Variants in PDE4D observed in about 807,000 individuals in gnomAD.
The protein encoded by PDE4D is phosphodiesterase 4D, also known as 3',5'-cyclic-AMP phosphodiesterase 4D.
A neutral mutation model predicts 87.4 loss-of-function variants in PDE4D; 24 were observed. The observed-to-expected ratio is 0.27, with a 90% CI of 0.20 to 0.39. The LOEUF is 0.39. Ranked by LOEUF, PDE4D falls within the 10% of genes least tolerant of loss-of-function variation. PDE4D has a pLI of 1.00. For synonymous variants in PDE4D, 384 were observed against 383.2 expected, an observed-to-expected ratio of 1.00 and a Z score of -0.02; for missense variants, 714 against 1,041.0, an observed-to-expected ratio of 0.69 and a Z score of 4.32.
At chr5:59,537,973 GA>G (rs1815570949) in intron 1 of PDE4D, among the ~76,000 whole-genome samples, 1 of 152,158 alleles carries the variant, frequency 6.6e-6, no homozygotes, top group Non-Finnish European at 1.5e-5. Flanking sequence ...GATTCCTAAT[GA>G]AAATGAGAAC....
chr5:59,450,080 C>A (rs543035978), intron 1 of PDE4D, among the ~76,000 whole-genome samples: 5 of 152,296 alleles, frequency 3.3e-5, no homozygotes, highest in African/African-American at 4.8e-5. Flanking sequence ...CAGAGCAATG[C>A]CATTTCTGCC....
intron 1 of PDE4D, among the ~76,000 whole-genome samples, chr5:59,568,397 A>T (rs531109159): frequency 5.9e-5 from 9 of 152,294 alleles, no homozygotes; most frequent in Admixed American, 5.2e-4. Flanking sequence ...AAGAATTGCA[A>T]ATATTTTATG....
intron 2 of PDE4D, among the ~76,000 whole-genome samples, chr5:60,176,607 G>A (rs1375831563): frequency 6.6e-6 from 1 of 152,112 alleles, no homozygotes; most frequent in East Asian, 1.9e-4. Context: ...TTAGAATGGG[G>A]GTACTCTTGG....
At chr5:60,011,656 G>A (rs1331697104) in intron 2 of PDE4D, among the ~76,000 whole-genome samples, 2 of 152,206 alleles carry the variant, frequency 1.3e-5, no homozygotes, top group South Asian at 4.2e-4. Context: ...CCACATGGCA[G>A]TTTAGTATTT....
rs190513554 is a variant in PDE4D at position 60,200,344 on chromosome 5, T to C, written c.-89-14657A>G. Among the ~76,000 whole-genome samples, 109 of 151,652 alleles carry C rather than the reference T, an allele frequency of 7.2e-4. 1 individual carries two copies. The highest frequency in any genetic ancestry group is 3.4e-3 in the Middle Eastern group (1 of 294). On this transcript the variant is annotated intron_variant, in intron 1 of 16. Coordinates refer to the PDE4D transcript ENST00000502484. The stretch of plus-strand genomic sequence containing the variant: ...CTGCACCCAGAAGTTATTTTATGTT[T>C]TAGGGAAGACATCAGAAGTCATTGA...
intron 1 of PDE4D, among the ~76,000 whole-genome samples, chr5:59,889,660 G>T (rs946561889): frequency 2.0e-5 from 3 of 152,064 alleles, no homozygotes; most frequent in African/African-American, 7.2e-5. Flanking sequence ...ATAATATTTT[G>T]TTGTGTAAAG....
chr5:59,618,888 C>T (rs191445924), intron 1 of PDE4D, among the ~76,000 whole-genome samples: 10 of 152,226 alleles, frequency 6.6e-5, no homozygotes, highest in African/African-American at 1.9e-4. Context: ...TCTCACTTTC[C>T]GCCATATGAT....
At chr5:59,281,625 C>T (rs1190569994) in intron 1 of PDE4D, among the ~76,000 whole-genome samples, 2 of 152,032 alleles carry the variant, frequency 1.3e-5, no homozygotes, top group African/African-American at 2.4e-5. Context: ...AATGTATATT[C>T]CCCCTGTTGC....
chr5:60,197,081 A>ACAGACAGACAGT (rs1325375889), intron 1 of PDE4D, among the ~76,000 whole-genome samples: 35 of 126,974 alleles, frequency 2.8e-4, no homozygotes, highest in Non-Finnish European at 4.2e-4. Flanking sequence ...AGACAGTTAG[A>ACAGACAGACAGT]TAGATAGATA....
intron 2 of PDE4D, chr5:60,021,101 A>T (rs1039533462): frequency 1.3e-5 from 2 of 152,204 alleles, no homozygotes; most frequent in African/African-American, 4.8e-5. Flanking sequence ...TCTCTTTATA[A>T]AGATAGATAG....
chr5:60,421,858 T>C (rs1743133514), intron 1 of PDE4D, among the ~76,000 whole-genome samples: 1 of 152,194 alleles, frequency 6.6e-6, no homozygotes, highest in Non-Finnish European at 1.5e-5. Flanking sequence ...AATGACCTGA[T>C]GGAGCTGAAA....
chr5:59,731,836 G>T (rs1282018842), intron 1 of PDE4D, among the ~76,000 whole-genome samples: 1 of 152,132 alleles, frequency 6.6e-6, no homozygotes, highest in Non-Finnish European at 1.5e-5. Flanking sequence ...GCAGATATTT[G>T]TAAGTCATCT....
chr5:59,971,109 A>G (rs1760697234), intron 3 of PDE4D, among the ~76,000 whole-genome samples: 1 of 150,936 alleles, frequency 6.6e-6, no homozygotes, highest in African/African-American at 2.4e-5. Context: ...TCGCAAGAAC[A>G]AAAAACCAAA....
intron 1 of PDE4D, among the ~76,000 whole-genome samples, chr5:60,188,881 A>G (rs773114099): frequency 6.6e-6 from 1 of 152,200 alleles, no homozygotes; most frequent in Non-Finnish European, 1.5e-5. Context: ...TTTGCTGCCA[A>G]TAGCATGAAC....
Position 60,278,171 on chromosome 5 carries a change from A to G in PDE4D, c.-89-92484T>C, listed in dbSNP as rs6862286. Among the ~76,000 whole-genome samples, 951 of 152,164 alleles carry G rather than the reference A, an allele frequency of 6.2e-3. 9 individuals are homozygous for G. The highest frequency in any genetic ancestry group is 0.02 in the African/African-American group (850 of 41,526). ...CTTGATTTCCTCTTCATTCCTAAAG[A>G]GGGTGTTTTCACTCAGTATAGGTCA... On this transcript the variant is annotated intron_variant, in intron 1 of 16. Transcript: ENST00000502484.
intron 1 of PDE4D, among the ~76,000 whole-genome samples, chr5:60,470,058 A>G (rs1197901390): frequency 6.6e-6 from 1 of 152,216 alleles, no homozygotes; most frequent in African/African-American, 2.4e-5. Flanking sequence ...TGTAAGAGAA[A>G]AGTTCTGAAA....
chr5:59,733,804 G>T (rs761008935), intron 1 of PDE4D, among the ~76,000 whole-genome samples: 1 of 151,926 alleles, frequency 6.6e-6, no homozygotes, highest in African/African-American at 2.4e-5. Flanking sequence ...TTGTGGATGA[G>T]TATTAAGCAT....
intron 5 of PDE4D, among the ~76,000 whole-genome samples, chr5:59,110,565 T>A (rs1351671749): frequency 6.6e-6 from 1 of 152,194 alleles, no homozygotes; most frequent in Non-Finnish European, 1.5e-5. Context: ...GGTATTCCTA[T>A]TTTACCATTA....
chr5:59,086,616 C>T (rs1340480900), intron 5 of PDE4D, among the ~76,000 whole-genome samples: 1 of 152,162 alleles, frequency 6.6e-6, no homozygotes, highest in Non-Finnish European at 1.5e-5. Flanking sequence ...CTTCCACATT[C>T]CATAAATTTC....
Sources: gnomAD v4.1 joint callset for allele counts (sites outside exome capture counted in the v4.1 genomes callset) on GRCh38, gnomAD v4.1.1 for gene constraint, MANE v1.5 for transcripts, NCBI Gene and HGNC (gene_info 2026-07-23, HGNC 2026-07-21) for gene names.